Variants in RGS3 observed in about 807,000 individuals in gnomAD.
The protein encoded by RGS3 is regulator of G protein signaling 3, also known as regulator of G-protein signalling 3.
Under a neutral mutation model 132.6 loss-of-function variants are expected in RGS3, and 80 were observed. The observed-to-expected ratio is 0.60, with a 90% CI of 0.50 to 0.73. The LOEUF is 0.73. Among genes scored for constraint, RGS3 ranks in the 30% least tolerant of loss-of-function variants. The pLI is 0.00. For missense variants in RGS3, 1,382 were observed against 1,530.8 expected (o/e 0.90, Z 1.62); for synonymous variants, 598 against 620.6 (o/e 0.96, Z 0.54).
chr9:113,529,307 T>C lies in RGS3; in HGVS notation c.1914+43T>C, dbSNP rs1317362823. On this transcript the variant is annotated intron_variant, in intron 18 of 24. Transcript: ENST00000350696. ...GATTTGAGGAGAGAGATCTTCGACC[T>C]GGTGCTTGAGGGGAGACACTGGGCT... The C allele has an allele frequency of 2.6e-6, 4 of 1,512,350 alleles. No homozygotes were observed. The Admixed American group carries it at 6.7e-5, about 25-fold the overall frequency. 93.7% of individuals were successfully genotyped at this position (1,512,350 alleles called of 1,614,324 possible).
chr9:113,522,833 G>T (rs2119410025), intron 16 of RGS3, 97 bp from the exon 15 acceptor site: 1 of 793,094 alleles, frequency 1.3e-6, no homozygotes, highest in East Asian at 2.4e-5. Context: ...GCATTATCTG[G>T]GGAGGCTGTG....
intron 6 of RGS3, 26 bp downstream of exon 4, chr9:113,484,258 T>G: frequency 7.7e-7 from 1 of 1,302,294 alleles, no homozygotes; most frequent in Non-Finnish European, 1.1e-6. Context: ...AGCTGGGCCC[T>G]AGAAAGGAGA....
At chr9:113,456,586 TTC>T (rs1829366214), upstream of RGS3, among the ~76,000 whole-genome samples, 1 of 152,134 alleles carries the variant, frequency 6.6e-6, no homozygotes. Flanking sequence ...CAGAAAAGAC[TTC>T]TAAGAGCAAT....
At chr9:113,471,269 C>T (rs1829820948) in intron 3 of RGS3, among the ~76,000 whole-genome samples, 1 of 152,002 alleles carries the variant, frequency 6.6e-6, no homozygotes, top group Non-Finnish European at 1.5e-5. Context: ...GGCCCTGGTC[C>T]CTAGTTCCTA....
intron 19 of RGS3, among the ~76,000 whole-genome samples, chr9:113,553,450 AAAAAAAAAAATATAT>A (rs1363492333): frequency 5.5e-5 from 6 of 108,400 alleles, no homozygotes; most frequent in African/African-American, 2.3e-4. Flanking sequence ...TTAAAAAAAA[AAAAAAAAAAATATAT>A]ATATATATAT....
chr9:113,550,392 T>TTGAA (rs1372357102), intron 19 of RGS3, among the ~76,000 whole-genome samples: 1 of 152,198 alleles, frequency 6.6e-6, no homozygotes, highest in Non-Finnish European at 1.5e-5. Context: ...CAAATATTTG[T>TTGAA]TGAATGAATG....
chr9:113,561,826 A>G (rs1833803626), intron 19 of RGS3, among the ~76,000 whole-genome samples: 1 of 152,182 alleles, frequency 6.6e-6, no homozygotes, highest in South Asian at 2.1e-4. Context: ...TGTCTCTGGC[A>G]CCTGGCTGCA....
chr9:113,496,091 A>C lies in RGS3; in HGVS notation c.750+245A>C, dbSNP rs553838594. Reference sequence around the variant, plus strand: ...TTGTTAGGCAGCCCCAAGTCTTCCCAGGAGGCTCTGAGTCTGGTGTCTGCT... The same window carrying C: ...TTGTTAGGCAGCCCCAAGTCTTCCCCGGAGGCTCTGAGTCTGGTGTCTGCT... On this transcript the variant is annotated intron_variant, in intron 8 of 24. Transcript: ENST00000350696. Among the ~76,000 whole-genome samples the C allele has an allele frequency of 3.9e-5, 6 of 152,314 alleles. No homozygotes were observed. The South Asian group carries it at 1.2e-3, about 32-fold the overall frequency.
chr9:113,511,331 G>A (rs1417067807), intron 14 of RGS3, among the ~76,000 whole-genome samples: 6 of 152,054 alleles, frequency 3.9e-5, no homozygotes, highest in Non-Finnish European at 4.4e-5. Flanking sequence ...ACCAGACATC[G>A]GTAGCAGGTG....
chr9:113,535,180 T>G (rs1239567310), intron 18 of RGS3, among the ~76,000 whole-genome samples: 2 of 152,052 alleles, frequency 1.3e-5, no homozygotes, highest in East Asian at 1.9e-4. Context: ...GGCTGAGTCT[T>G]GCTTTGTCAC....
At position 113,463,723 on chromosome 9, in the gene RGS3, C is replaced by T; in HGVS notation, c.415+1522C>T. ...CTACCTCCCGCTCGCGCTCCTCCCG[C>T]CCTGGAGACTCCGGTTACTGGGGAG... On this transcript the variant is annotated intron_variant, in intron 3 of 24. Coordinates refer to ENST00000350696, the Ensembl canonical transcript of RGS3. This position sits in a 1 kb window ranked among gnomAD's most constrained non-coding sequence, Gnocchi z 4.6. 3 of 1,501,638 alleles carry T rather than the reference C, an allele frequency of 2.0e-6. No homozygotes were observed. The highest frequency in any genetic ancestry group is 2.7e-6 in the Non-Finnish European group (3 of 1,125,854). The allele number at this position is 1,501,638 out of a possible 1,614,324, so 93.0% of individuals were successfully genotyped here.
At chr9:113,527,092 G>T (rs1448732381) in intron 17 of RGS3, among the ~76,000 whole-genome samples, 1 of 152,230 alleles carries the variant, frequency 6.6e-6, no homozygotes, top group East Asian at 1.9e-4. Flanking sequence ...ACGTGGAACA[G>T]ATTTCAGAGA....
rs554216266 is a variant in RGS3 at position 113,571,530 on chromosome 9, G to T, written c.2038-11920G>T. 2.6e-5 allele frequency among the ~76,000 whole-genome samples: 4 copies of T among 152,162 alleles called. No individual in the cohort carries two copies. The East Asian group carries it at 7.7e-4, about 29-fold the overall frequency. Reference sequence around the variant, plus strand: ...ATTTGGATGACCTCTTTTGAAAAGTGCCTGTTCAAGTCTTTCCCCCATTTT... The same window carrying T: ...ATTTGGATGACCTCTTTTGAAAAGTTCCTGTTCAAGTCTTTCCCCCATTTT... On this transcript the variant is annotated intron_variant, in intron 19 of 24. Transcript: ENST00000350696.
At chr9:113,515,865 G>A (rs1831632875) in intron 15 of RGS3, among the ~76,000 whole-genome samples, 1 of 152,090 alleles carries the variant, frequency 6.6e-6, no homozygotes, top group East Asian at 1.9e-4. Flanking sequence ...TTTTATATGG[G>A]TATACTGTAT....
chr9:113,566,765 T>C (rs747334746), intron 19 of RGS3, among the ~76,000 whole-genome samples: 1 of 152,254 alleles, frequency 6.6e-6, no homozygotes, highest in Non-Finnish European at 1.5e-5. Context: ...TGGGTGGCTA[T>C]CTGGCGTCCT....
chr9:113,468,965 T>A (rs2119179757), intron 3 of RGS3, among the ~76,000 whole-genome samples: 1 of 151,708 alleles, frequency 6.6e-6, no homozygotes, highest in South Asian at 2.1e-4. Flanking sequence ...CTGGAGTCAC[T>A]GATTTGCCAT....
intron 16 of RGS3, chr9:113,522,714 A>G: frequency 1.8e-6 from 1 of 560,438 alleles, no homozygotes; most frequent in Non-Finnish European, 3.2e-6. Context: ...GAGGAGTGGA[A>G]GTATAGGAAG....
chr9:113,479,594 G>C (rs2119211518), intron 4 of RGS3, 53 bp downstream of exon 2: 1 of 1,563,230 alleles, frequency 6.4e-7, no homozygotes, highest in Non-Finnish European at 8.8e-7. Context: ...CACTCAGCTT[G>C]CTGCCTGGGG....
exon 25 of RGS3, chr9:113,597,021 C>A: frequency 2.2e-6 from 3 of 1,383,038 alleles, no homozygotes; most frequent in Non-Finnish European, 3.0e-6. Flanking sequence ...TGCCTCCCTG[C>A]CCCCTGTGAC....
Sources: allele counts gnomAD v4.1 joint callset (sites outside exome capture counted in the v4.1 genomes callset), GRCh38; gene constraint gnomAD v4.1.1; non-coding constraint Gnocchi (gnomAD v3.1); transcripts MANE v1.5; gene names NCBI Gene and HGNC (gene_info 2026-07-23, HGNC 2026-07-21).